Variants in DNAJC1 observed in about 807,000 individuals in gnomAD.
The protein encoded by DNAJC1 is DnaJ heat shock protein family (Hsp40) member C1.
In DNAJC1, 58 loss-of-function variants were observed where a neutral mutation model predicts 76.6. That is an observed-to-expected ratio of 0.76 (90% CI 0.61 to 0.94). The LOEUF is 0.94. Ranked by LOEUF, DNAJC1 falls within the 40% of genes least tolerant of loss-of-function variation. DNAJC1 has a pLI of 0.00. For missense variants in DNAJC1, 689 were observed against 677.3 expected, an observed-to-expected ratio of 1.02 and a Z score of -0.19; for synonymous variants, 258 against 267.9, an observed-to-expected ratio of 0.96 and a Z score of 0.36.
intron 10 of DNAJC1, among the ~76,000 whole-genome samples, chr10:21,760,599 A>G (rs1036471305): frequency 9.2e-5 from 14 of 152,262 alleles, no homozygotes; most frequent in East Asian, 3.8e-4. Context: ...GAGCTGTCCA[A>G]TGAAACATGC....
At chr10:21,797,251 A>C (rs560444814) in intron 9 of DNAJC1, among the ~76,000 whole-genome samples, 1 of 151,994 alleles carries the variant, frequency 6.6e-6, no homozygotes, top group South Asian at 2.1e-4. Context: ...AGATTAGTTG[A>C]CTGTATATGT....
chr10:21,794,154 C>A (rs1834725187), intron 9 of DNAJC1, among the ~76,000 whole-genome samples: 1 of 151,234 alleles, frequency 6.6e-6, no homozygotes, highest in Non-Finnish European at 1.5e-5. Context: ...CTTGTATTCC[C>A]AGCTATTTGA....
chr10:21,778,104 G>A lies in DNAJC1; in HGVS notation c.1099-11795C>T, dbSNP rs1832769. On this transcript the variant is annotated intron_variant, in intron 9 of 11. Transcript: ENST00000376980. ...CTTGAGAGGCTGAAGCATGAGAATC[G>A]CTTGAACCCAGGAGGCAGAGGTTGC... Among the ~76,000 whole-genome samples, 27 of 152,230 alleles carry A rather than the reference G, an allele frequency of 1.8e-4. 1 individual carries two copies. In the East Asian group the frequency reaches 4.2e-3, roughly 24 times the overall value.
intron 8 of DNAJC1, among the ~76,000 whole-genome samples, chr10:21,827,551 C>G (rs1835283067): frequency 6.6e-6 from 1 of 152,188 alleles, no homozygotes; most frequent in Non-Finnish European, 1.5e-5. Context: ...TTCCACAACT[C>G]TCTCCTCGTC....
chr10:21,872,026 C>G (rs1359647562), intron 8 of DNAJC1, among the ~76,000 whole-genome samples: 1 of 151,318 alleles, frequency 6.6e-6, no homozygotes, highest in Non-Finnish European at 1.5e-5. Flanking sequence ...GAAACTGTGC[C>G]TGAGGAAGAC....
chr10:21,789,946 G>T (rs1450944162), intron 9 of DNAJC1, among the ~76,000 whole-genome samples: 1 of 149,670 alleles, frequency 6.7e-6, no homozygotes, highest in Non-Finnish European at 1.5e-5. Context: ...GGAGGTGGAG[G>T]TTGCAGTGAG....
intron 7 of DNAJC1, among the ~76,000 whole-genome samples, chr10:21,886,473 A>C (rs1474760926): frequency 6.6e-6 from 1 of 152,198 alleles, no homozygotes; most frequent in African/African-American, 2.4e-5. Context: ...TCCCAAACTC[A>C]TTCTATGAGG....
At chr10:21,927,890 G>GA (rs1398141259) in intron 3 of DNAJC1, among the ~76,000 whole-genome samples, 1 of 152,180 alleles carries the variant, frequency 6.6e-6, no homozygotes, top group Admixed American at 6.5e-5. Context: ...GGGGCACAGA[G>GA]AAGTCTTAGA....
chr10:21,779,116 G>T (rs1355750602), intron 9 of DNAJC1, among the ~76,000 whole-genome samples: 1 of 152,222 alleles, frequency 6.6e-6, no homozygotes, highest in Non-Finnish European at 1.5e-5. Context: ...ACTGGGTTGA[G>T]CCCACTGCAG....
intron 8 of DNAJC1, among the ~76,000 whole-genome samples, chr10:21,844,849 A>G (rs1002286866): frequency 1.5e-4 from 23 of 152,190 alleles, no homozygotes; most frequent in Non-Finnish European, 1.2e-4. Flanking sequence ...CCTTGGCAAC[A>G]TAAGAGACCC....
intron 8 of DNAJC1, among the ~76,000 whole-genome samples, chr10:21,872,633 G>C (rs1836122787): frequency 6.6e-6 from 1 of 151,972 alleles, no homozygotes; most frequent in South Asian, 2.1e-4. Context: ...CTGAGGAACA[G>C]AATAAAAAGG....
chr10:21,855,236 T>C (rs1835815771), intron 8 of DNAJC1, among the ~76,000 whole-genome samples: 1 of 152,198 alleles, frequency 6.6e-6, no homozygotes, highest in Non-Finnish European at 1.5e-5. Flanking sequence ...CTCAAATCAC[T>C]GGCCCTTTTC....
chr10:21,799,161 A>G (rs1191036266), intron 9 of DNAJC1, among the ~76,000 whole-genome samples: 1 of 152,354 alleles, frequency 6.6e-6, no homozygotes, highest in East Asian at 1.9e-4. Flanking sequence ...ATGACCTGGT[A>G]AATATTATTC....
At chr10:21,989,937 T>A (rs1335890516) in intron 1 of DNAJC1, among the ~76,000 whole-genome samples, 1 of 152,184 alleles carries the variant, frequency 6.6e-6, no homozygotes, top group African/African-American at 2.4e-5. Context: ...CGCAGAAACA[T>A]AATATTTCAA....
At chr10:21,844,646 T>C (rs1489740976) in intron 8 of DNAJC1, among the ~76,000 whole-genome samples, 1 of 152,176 alleles carries the variant, frequency 6.6e-6, no homozygotes, top group Non-Finnish European at 1.5e-5. Flanking sequence ...TTTAGTTTAC[T>C]AATACATCCA....
intron 3 of DNAJC1, among the ~76,000 whole-genome samples, chr10:21,924,179 C>CT (rs777379459): frequency 1.1e-3 from 162 of 152,088 alleles, no homozygotes; most frequent in Non-Finnish European, 2.0e-3. Flanking sequence ...GTACACTGCA[C>CT]TTTATTTAGG....
rs182770927 is a variant in DNAJC1 at position 21,853,637 on chromosome 10, T to C, written c.978+28645A>G. Among the ~76,000 whole-genome samples, 4 of 151,610 alleles carry C rather than the reference T, an allele frequency of 2.6e-5. No homozygotes were observed. In the South Asian group the frequency reaches 6.3e-4, roughly 24 times the overall value. ...GGTGAAACCCTGTCTCTCCTAAAAATATAAAAATTAGCTGGGCGTGGTGGT... is the reference window on the plus strand; with the variant it reads ...GGTGAAACCCTGTCTCTCCTAAAAACATAAAAATTAGCTGGGCGTGGTGGT... On this transcript the variant is annotated intron_variant, in intron 8 of 11. Coordinates refer to ENST00000376980, the MANE Select transcript of DNAJC1 (RefSeq NM_022365.4).
intron 3 of DNAJC1, among the ~76,000 whole-genome samples, chr10:21,924,437 C>T (rs1837088071): frequency 6.6e-6 from 1 of 151,492 alleles, no homozygotes; most frequent in South Asian, 2.1e-4. Flanking sequence ...ACTGGGTTAG[C>T]AAAAGAAGAC....
chr10:21,924,038 A>G (rs1200283004), intron 3 of DNAJC1, among the ~76,000 whole-genome samples: 1 of 152,080 alleles, frequency 6.6e-6, no homozygotes, highest in Non-Finnish European at 1.5e-5. Flanking sequence ...CAATAATAAC[A>G]TAATTTCCAC....
Sources: gnomAD v4.1 joint callset for allele counts (sites outside exome capture counted in the v4.1 genomes callset) on GRCh38, gnomAD v4.1.1 for gene constraint, MANE v1.5 for transcripts, NCBI Gene and HGNC (gene_info 2026-07-23, HGNC 2026-07-21) for gene names.